GNG2: variants seen among roughly 807,000 people sequenced by gnomAD.
GNG2 encodes G protein subunit gamma 2, also known as guanine nucleotide-binding protein G(I)/G(S)/G(O) subunit gamma-2.
In GNG2, 5 loss-of-function variants were observed where a neutral mutation model predicts 5.5. The observed-to-expected ratio is 0.91, with a 90% confidence interval of 0.48 to 1.92. GNG2 has a LOEUF of 1.92. GNG2 is among the 30% of genes most tolerant of loss of function. The probability of loss-of-function intolerance (pLI) is 0.01; values close to 1 mark genes in which losing one functional copy is unlikely to be tolerated. For synonymous variants in GNG2, 28 were observed against 32.0 expected (o/e 0.88, Z 0.42); for missense variants, 55 against 88.4 (o/e 0.62, Z 1.52).
chr14:51,881,703 T>A (rs1884087488), intron 2 of GNG2, among the ~76,000 whole-genome samples: 1 of 116,772 alleles, frequency 8.6e-6, no homozygotes, highest in Non-Finnish European at 1.9e-5. Flanking sequence ...CTGGAAGACT[T>A]TTTTTTTTTT....
chr14:51,874,701 T>C (rs1883542470), intron 1 of GNG2, among the ~76,000 whole-genome samples: 1 of 151,754 alleles, frequency 6.6e-6, no homozygotes, highest in Admixed American at 6.6e-5. Context: ...CACCACTGCA[T>C]TCTAGCGTGG....
intron 3 of GNG2, among the ~76,000 whole-genome samples, chr14:51,958,536 G>A (rs1889409437): frequency 6.7e-6 from 1 of 149,576 alleles, no homozygotes; most frequent in Admixed American, 6.8e-5. Flanking sequence ...CTACACTGCA[G>A]GGTTCATTCC....
At chr14:51,953,012 A>G (rs1429324397) in intron 3 of GNG2, among the ~76,000 whole-genome samples, 1 of 152,144 alleles carries the variant, frequency 6.6e-6, no homozygotes, top group African/African-American at 2.4e-5. Context: ...TGCATGCCAT[A>G]TAGAACAACT....
rs1288691342 is a variant in GNG2, at chr14:51,881,492, T to G, written c.-30+3835T>G. ...CCTTTCCCCACTACTTCTGCAGTACTCTGCCAGCATCATCCGTAGCAAAAC... is the reference window on the plus strand; with the variant it reads ...CCTTTCCCCACTACTTCTGCAGTACGCTGCCAGCATCATCCGTAGCAAAAC... On this transcript the variant is annotated intron_variant, in intron 2 of 3. Coordinates refer to ENST00000556766, the MANE Select transcript of GNG2 (RefSeq NM_053064.5). Among the ~76,000 whole-genome samples, 4 of 152,260 alleles carry G rather than the reference T, an allele frequency of 2.6e-5. No homozygotes were observed. In the East Asian group the frequency reaches 7.7e-4, roughly 29 times the overall value.
At chr14:51,856,493 C>T (rs1882165180), upstream of GNG2, among the ~76,000 whole-genome samples, 1 of 152,150 alleles carries the variant, frequency 6.6e-6, no homozygotes, top group Non-Finnish European at 1.5e-5. Context: ...AGTGCAATGG[C>T]AAAATCTTGG....
intron 2 of GNG2, among the ~76,000 whole-genome samples, chr14:51,920,661 C>T (rs1038560146): frequency 6.6e-6 from 1 of 152,118 alleles, no homozygotes; most frequent in African/African-American, 2.4e-5. Context: ...AGGTGAGCAT[C>T]GGAGATTTTG....
intron 2 of GNG2, among the ~76,000 whole-genome samples, chr14:51,941,030 T>C (rs1036862583): frequency 6.6e-6 from 1 of 151,942 alleles, no homozygotes; most frequent in Admixed American, 6.6e-5. Flanking sequence ...AATTAATGTA[T>C]ATAAATATCA....
Position 51,966,973 on chromosome 14 carries a change from A to AC in GNG2, c.*286_*287insC, listed in dbSNP as rs1889966247. On this transcript the variant is annotated 3_prime_UTR_variant, in exon 4 of 4. Coordinates refer to ENST00000556766, the MANE Select transcript of GNG2 (RefSeq NM_053064.5). ...TCTGCTATCCCCCAGCCCCCCCCCCAAAATCCTCATGTTTCTGCTTCATAT... is the reference window on the plus strand; with the variant it reads ...TCTGCTATCCCCCAGCCCCCCCCCCACAAATCCTCATGTTTCTGCTTCATAT... 1 of 58,086 alleles carries AC rather than the reference A, an allele frequency of 1.7e-5. No individual in the cohort carries two copies. Among genetic ancestry groups the AC allele is most frequent in the African/African-American group, 1.8e-4 (1 of 5,596 alleles). 3.6% of individuals were successfully genotyped at this position (58,086 alleles called of 1,614,324 possible).
intron 2 of GNG2, among the ~76,000 whole-genome samples, chr14:51,888,861 C>A (rs746767176): frequency 1.1e-4 from 17 of 152,182 alleles, no homozygotes; most frequent in Admixed American, 2.0e-4. Flanking sequence ...TGTGGTGTAT[C>A]TATACAATGG....
intron 2 of GNG2, among the ~76,000 whole-genome samples, chr14:51,887,288 A>G (rs866780261): frequency 2.6e-5 from 4 of 152,196 alleles, no homozygotes; most frequent in South Asian, 2.1e-4. Context: ...CCCGACATCA[A>G]AGGAAATGAC....
At chr14:51,845,494 A>C (rs1881598317) in intron 2 of GNG2, among the ~76,000 whole-genome samples, 2 of 152,190 alleles carry the variant, frequency 1.3e-5, no homozygotes, top group African/African-American at 4.8e-5. Flanking sequence ...CTGTCTCAAT[A>C]AATAAATAAA....
At chr14:51,865,101 G>A (rs1882787930) in intron 1 of GNG2, among the ~76,000 whole-genome samples, 1 of 152,142 alleles carries the variant, frequency 6.6e-6, no homozygotes, top group Non-Finnish European at 1.5e-5. Context: ...GACCTTGAAT[G>A]GTTTGAAGAG....
chr14:51,849,641 T>C (rs2140085467), intron 2 of GNG2, among the ~76,000 whole-genome samples: 1 of 152,340 alleles, frequency 6.6e-6, no homozygotes, highest in South Asian at 2.1e-4. Flanking sequence ...CTACCTGACA[T>C]ATTTATTTGT....
At chr14:51,877,339 G>C (rs1022922568) in intron 1 of GNG2, among the ~76,000 whole-genome samples, 1 of 152,178 alleles carries the variant, frequency 6.6e-6, no homozygotes, top group African/African-American at 2.4e-5. Flanking sequence ...AGGTTCCTAA[G>C]TGGCCTTTGT....
chr14:51,950,794 C>T, intron 3 of GNG2, 29 bp downstream of exon 3: 1 of 1,403,664 alleles, frequency 7.1e-7, no homozygotes. Flanking sequence ...CACACTTCAT[C>T]TAGCGTGAGT....
intron 2 of GNG2, among the ~76,000 whole-genome samples, chr14:51,943,427 A>G (rs148171839): frequency 2.7e-3 from 409 of 152,364 alleles, no homozygotes; most frequent in Middle Eastern, 0.014. Flanking sequence ...AAAAAGGGAC[A>G]CTAGCAAAGA....
At chr14:51,905,439 T>C (rs1885855284) in intron 2 of GNG2, among the ~76,000 whole-genome samples, 1 of 152,158 alleles carries the variant, frequency 6.6e-6, no homozygotes, top group African/African-American at 2.4e-5. Flanking sequence ...TGCAATAAAA[T>C]TTTCATCCTA....
At chr14:51,888,205 A>G (rs1884597311) in intron 2 of GNG2, among the ~76,000 whole-genome samples, 1 of 152,112 alleles carries the variant, frequency 6.6e-6, no homozygotes, top group Non-Finnish European at 1.5e-5. Flanking sequence ...GTATGCATCA[A>G]CTATTTATTC....
intron 2 of GNG2, among the ~76,000 whole-genome samples, chr14:51,839,375 A>G (rs1182995402): frequency 2.0e-5 from 3 of 152,238 alleles, no homozygotes; most frequent in Admixed American, 6.5e-5. Context: ...TAGCGTTTAC[A>G]AAATGAGCAG....
Sources: gnomAD v4.1 joint callset for allele counts (sites outside exome capture counted in the v4.1 genomes callset) on GRCh38, gnomAD v4.1.1 for gene constraint, MANE v1.5 for transcripts, NCBI Gene and HGNC (gene_info 2026-07-23, HGNC 2026-07-21) for gene names.